Variants in CDYL observed in about 807,000 individuals in gnomAD.
CDYL encodes chromodomain Y like.
Under a neutral mutation model 47.3 loss-of-function variants are expected in CDYL, and 8 were observed. The ratio of observed to expected loss-of-function variants is 0.17; its 90% CI spans 0.10 to 0.31. The LOEUF (loss-of-function observed/expected upper bound fraction) is 0.31. Among genes scored for constraint, CDYL ranks in the 10% least tolerant of loss-of-function variants. CDYL has a pLI of 1.00. For synonymous variants in CDYL, 266 were observed against 265.0 expected (o/e 1.00, Z -0.04); for missense variants, 471 against 701.4 (o/e 0.67, Z 3.71).
At chr6:4,772,519 C>A (rs552288881), upstream of CDYL, among the ~76,000 whole-genome samples, 11 of 152,308 alleles carry the variant, frequency 7.2e-5, no homozygotes, top group African/African-American at 2.4e-4. Flanking sequence ...AGGCCCCTAA[C>A]ATCTGAATTA....
At chr6:4,821,923 G>A (rs1439917951) in intron 1 of CDYL, among the ~76,000 whole-genome samples, 4 of 151,998 alleles carry the variant, frequency 2.6e-5, no homozygotes, top group African/African-American at 4.8e-5. Flanking sequence ...TTGCAATAAC[G>A]TATGTACCAG....
At chr6:4,813,017 G>A (rs1214148007) in intron 1 of CDYL, among the ~76,000 whole-genome samples, 6 of 152,130 alleles carry the variant, frequency 3.9e-5, no homozygotes, top group African/African-American at 1.4e-4. Context: ...CTAATTGATT[G>A]CCGTTGTATA....
At chr6:4,819,335 C>T (rs4425635) in intron 1 of CDYL, among the ~76,000 whole-genome samples, 5,158 of 152,216 alleles carry the variant, frequency 0.034, 300 homozygotes, top group African/African-American at 0.12. Context: ...TAAAGAATTA[C>T]GTGTGTCAAT....
intron 1 of CDYL, among the ~76,000 whole-genome samples, chr6:4,788,318 C>T (rs955546906): frequency 3.3e-5 from 5 of 151,606 alleles, no homozygotes; most frequent in African/African-American, 9.7e-5. Context: ...GGTAAAACCG[C>T]GTTTCTGCTA....
intron 1 of CDYL, among the ~76,000 whole-genome samples, chr6:4,887,853 A>T (rs1581236905): frequency 6.7e-6 from 1 of 148,326 alleles, no homozygotes; most frequent in Non-Finnish European, 1.5e-5. Context: ...AAGTTGAGGA[A>T]GTTCCCTCTA....
rs972547196 is a variant in CDYL at position 4,954,968 on chromosome 6, A to G, written c.*912A>G. On this transcript the variant is annotated 3_prime_UTR_variant, in exon 7 of 7. Coordinates refer to ENST00000397588, the MANE Select transcript of CDYL (RefSeq NM_004824.4). Reference sequence around the variant, plus strand: ...TGATTGATGTATTTCACCAAAATAAAATATTTTTATGTTTATAAAGTGTAA... The same window carrying G: ...TGATTGATGTATTTCACCAAAATAAGATATTTTTATGTTTATAAAGTGTAA... 6.6e-6 allele frequency: 1 copy of G among 152,338 alleles called. No homozygotes were observed. Among genetic ancestry groups the G allele is most frequent in the Non-Finnish European group, 1.5e-5 (1 of 68,054 alleles). The allele number at this position is 152,338 out of a possible 1,614,324, so 9.4% of individuals were successfully genotyped here.
At chr6:4,772,241 A>T (rs2127425836), upstream of CDYL, among the ~76,000 whole-genome samples, 1 of 152,338 alleles carries the variant, frequency 6.6e-6, no homozygotes, top group Non-Finnish European at 1.5e-5. Context: ...AAGAGATGAA[A>T]CAACTAGTGA....
intron 2 of CDYL, among the ~76,000 whole-genome samples, chr6:4,900,779 G>GTGTGTGTGTATA: frequency 5.6e-4 from 29 of 51,694 alleles, no homozygotes; most frequent in South Asian, 9.5e-4. Flanking sequence ...GTATACGTGT[G>GTGTGTGTGTATA]TATATATATA....
intron 1 of CDYL, among the ~76,000 whole-genome samples, chr6:4,866,076 G>A (rs1761311143): frequency 6.6e-6 from 1 of 152,120 alleles, no homozygotes; most frequent in Non-Finnish European, 1.5e-5. Context: ...ACAATTATTA[G>A]ATTAGAAACT....
chr6:4,943,437 C>T (rs1758419740), intron 4 of CDYL, 109 bp from the exon 5 acceptor site: 1 of 777,738 alleles, frequency 1.3e-6, no homozygotes, highest in African/African-American at 1.7e-5. Flanking sequence ...CTCAAGTCTT[C>T]AGGATTTCCG....
At chr6:4,872,770 T>C (rs1489980637) in intron 1 of CDYL, among the ~76,000 whole-genome samples, 6 of 152,156 alleles carry the variant, frequency 3.9e-5, no homozygotes, top group Non-Finnish European at 8.8e-5. Flanking sequence ...TAGAACTAGA[T>C]AGAAAATTCT....
At chr6:4,849,246 G>C (rs1466970416) in intron 1 of CDYL, among the ~76,000 whole-genome samples, 1 of 152,210 alleles carries the variant, frequency 6.6e-6, no homozygotes, top group African/African-American at 2.4e-5. Flanking sequence ...GGCAAACTGG[G>C]ATGAGGAAAA....
chr6:4,743,871 A>G (rs1039591185), intron 3 of CDYL, among the ~76,000 whole-genome samples: 7 of 152,268 alleles, frequency 4.6e-5, no homozygotes, highest in Non-Finnish European at 7.3e-5. Context: ...TATTAATTAT[A>G]ACAGTTCCTA....
intron 2 of CDYL, among the ~76,000 whole-genome samples, chr6:4,898,191 C>T (rs941881724): frequency 6.6e-6 from 1 of 150,702 alleles, no homozygotes; most frequent in African/African-American, 2.4e-5. Flanking sequence ...CACTACACTC[C>T]AGCCTATTCC....
At position 4,934,350 on chromosome 6, in the gene CDYL, A is replaced by C. The variant is rs190777649; in HGVS notation, c.692-1165A>C. 2.8e-3 allele frequency among the ~76,000 whole-genome samples: 421 copies of C among 152,220 alleles called. 2 individuals are homozygous for C. Among genetic ancestry groups the C allele is most frequent in the African/African-American group, 7.2e-3 (298 of 41,536 alleles). ...TTTTCAAAAATATAATTAAAAAAAAACCTCTAGCAATTAAAATATTATTTC... is the reference window on the plus strand; with the variant it reads ...TTTTCAAAAATATAATTAAAAAAAACCCTCTAGCAATTAAAATATTATTTC... On this transcript the variant is annotated intron_variant, in intron 2 of 6. Coordinates refer to ENST00000397588, the MANE Select transcript of CDYL (RefSeq NM_004824.4).
At chr6:4,909,297 T>G (rs2127499060) in intron 2 of CDYL, among the ~76,000 whole-genome samples, 1 of 152,348 alleles carries the variant, frequency 6.6e-6, no homozygotes, top group Non-Finnish European at 1.5e-5. Context: ...AGGGCTGCTG[T>G]GTCCAGGCTT....
At chr6:4,748,848 A>G (rs1215453835) in intron 3 of CDYL, among the ~76,000 whole-genome samples, 1 of 152,198 alleles carries the variant, frequency 6.6e-6, no homozygotes, top group African/African-American at 2.4e-5. Flanking sequence ...TCCTTCTGCT[A>G]TTCAAAGCTT....
intron 1 of CDYL, among the ~76,000 whole-genome samples, chr6:4,830,850 G>T (rs190286354): frequency 2.7e-5 from 4 of 148,870 alleles, no homozygotes; most frequent in Non-Finnish European, 1.5e-5. Flanking sequence ...GAGAATATGC[G>T]GTGTTTGGTT....
At chr6:4,830,918 A>G (rs1036320403) in intron 1 of CDYL, among the ~76,000 whole-genome samples, 11 of 151,998 alleles carry the variant, frequency 7.2e-5, no homozygotes, top group African/African-American at 2.4e-4. Flanking sequence ...CCATGTCCCT[A>G]CAAAGGACCT....
Sources: allele counts gnomAD v4.1 joint callset (sites outside exome capture counted in the v4.1 genomes callset), GRCh38; gene constraint gnomAD v4.1.1; transcripts MANE v1.5; gene names NCBI Gene and HGNC (gene_info 2026-07-23, HGNC 2026-07-21).